The following ESCO1 variants were observed in gnomAD, a reference collection of about 807,000 sequenced individuals.
ESCO1 encodes establishment of sister chromatid cohesion N-acetyltransferase 1.
A neutral mutation model predicts 83.5 loss-of-function variants in ESCO1; 33 were observed. The observed-to-expected ratio is 0.40, with a 90% CI of 0.30 to 0.53. The LOEUF (loss-of-function observed/expected upper bound fraction) is 0.53, where lower values mean the gene tolerates loss of function less well. Ranked by LOEUF, ESCO1 falls within the 20% of genes least tolerant of loss-of-function variation. The pLI, the probability that ESCO1 is intolerant of heterozygous loss-of-function variation, is 0.63. For missense variants in ESCO1, 855 were observed against 968.0 expected (o/e 0.88, Z 1.55); for synonymous variants, 332 against 324.3 (o/e 1.02, Z -0.25).
At chr18:21,563,932 AAAG>A (rs1286900716) in intron 7 of ESCO1, among the ~76,000 whole-genome samples, 4 of 151,126 alleles carry the variant, frequency 2.6e-5, no homozygotes, top group Non-Finnish European at 5.9e-5. Context: ...AAAAAAAAAA[AAAG>A]AGTCTGGCTT....
At chr18:21,543,004 T>C (rs903897674) in intron 8 of ESCO1, among the ~76,000 whole-genome samples, 2 of 152,206 alleles carry the variant, frequency 1.3e-5, no homozygotes, top group African/African-American at 4.8e-5. Flanking sequence ...CTCCAACATA[T>C]TTCAGGACTA....
intron 8 of ESCO1, among the ~76,000 whole-genome samples, chr18:21,540,286 A>C (rs2037889673): frequency 6.6e-6 from 1 of 152,162 alleles, no homozygotes; most frequent in Non-Finnish European, 1.5e-5. Context: ...TCCCGTTTTA[A>C]ATTAATTTTG....
intron 2 of ESCO1, among the ~76,000 whole-genome samples, chr18:21,579,788 GCGCGCGCACACACACA>G (rs2038470502): frequency 5.0e-5 from 2 of 39,822 alleles, no homozygotes; most frequent in Non-Finnish European, 8.2e-5. Context: ...ACACACACGC[GCGCGCGCACACACACA>G]CACACACACA....
intron 9 of ESCO1, among the ~76,000 whole-genome samples, chr18:21,539,339 A>G (rs1391822762): frequency 2.0e-5 from 3 of 152,218 alleles, no homozygotes; most frequent in East Asian, 1.9e-4. Context: ...GAAGATAAGC[A>G]TATCTACTTT....
At chr18:21,585,495 G>A (rs2038562695) in intron 1 of ESCO1, among the ~76,000 whole-genome samples, 1 of 152,074 alleles carries the variant, frequency 6.6e-6, no homozygotes, top group Non-Finnish European at 1.5e-5. Context: ...TAAATGTATG[G>A]TTTTATTTCT....
intron 8 of ESCO1, among the ~76,000 whole-genome samples, chr18:21,556,615 G>A (rs1300060483): frequency 6.6e-6 from 1 of 152,048 alleles, no homozygotes; most frequent in Non-Finnish European, 1.5e-5. Flanking sequence ...TAGTACGACC[G>A]AAGAACAGTA....
At chr18:21,545,821 C>T (rs1265390552) in intron 8 of ESCO1, among the ~76,000 whole-genome samples, 3 of 150,900 alleles carry the variant, frequency 2.0e-5, no homozygotes, top group East Asian at 3.9e-4. Flanking sequence ...CCCAGCTACT[C>T]GGGGGGGCTG....
intron 1 of ESCO1, among the ~76,000 whole-genome samples, chr18:21,595,177 T>C (rs373417762): frequency 1.1e-4 from 17 of 151,954 alleles, no homozygotes; most frequent in African/African-American, 3.9e-4. Flanking sequence ...TAAACATATA[T>C]TATGATAGAT....
At chr18:21,586,157 T>C (rs564089911) in intron 1 of ESCO1, among the ~76,000 whole-genome samples, 38 of 152,328 alleles carry the variant, frequency 2.5e-4, no homozygotes, top group Admixed American at 2.3e-3. Flanking sequence ...TTTATAACCA[T>C]TAATCACTTT....
chr18:21,560,590 C>A (rs1306639204), intron 8 of ESCO1, among the ~76,000 whole-genome samples: 1 of 151,956 alleles, frequency 6.6e-6, no homozygotes, highest in Non-Finnish European at 1.5e-5. Context: ...AGTTAAATAG[C>A]ATTACTTCTG....
intron 9 of ESCO1, 108 bp from the exon 10 acceptor site, chr18:21,536,293 TA>T: frequency 1.6e-6 from 2 of 1,259,816 alleles, no homozygotes; most frequent in Non-Finnish European, 1.1e-6. Flanking sequence ...GGGCATCCTC[TA>T]AAGAGTTCTT....
At chr18:21,579,649 G>A (rs1462123521) in intron 2 of ESCO1, among the ~76,000 whole-genome samples, 2 of 145,752 alleles carry the variant, frequency 1.4e-5, no homozygotes, top group African/African-American at 5.1e-5. Flanking sequence ...GCAGGCACCT[G>A]TAATCCCAGC....
chr18:21,549,148 T>C (rs572501451), intron 8 of ESCO1, among the ~76,000 whole-genome samples: 2 of 152,114 alleles, frequency 1.3e-5, no homozygotes, highest in African/African-American at 4.8e-5. Context: ...TATAAAACCC[T>C]GCTCTAATTT....
intron 1 of ESCO1, among the ~76,000 whole-genome samples, chr18:21,593,996 T>A (rs1430206411): frequency 6.6e-6 from 1 of 152,122 alleles, no homozygotes; most frequent in Non-Finnish European, 1.5e-5. Context: ...GAGTCTTTGT[T>A]ATGGGTGGGC....
chr18:21,560,514 T>C (rs1401471382), intron 8 of ESCO1, among the ~76,000 whole-genome samples: 1 of 151,986 alleles, frequency 6.6e-6, no homozygotes, highest in Admixed American at 6.6e-5. Flanking sequence ...GAAATGTAAA[T>C]ATTAAATAGA....
In ESCO1 at chr18:21,539,860, A is replaced by T; in HGVS notation, c.2043+60T>A. 1.3e-6 allele frequency: 2 copies of T among 1,494,666 alleles called. 1 individual carries two copies. Among genetic ancestry groups the T allele is most frequent in the Non-Finnish European group, 1.8e-6 (2 of 1,082,196 alleles). 92.6% of individuals were successfully genotyped at this position (1,494,666 alleles called of 1,614,324 possible). ...AAGACCCTGTCTCAGGGTAAAAAAA[A>T]AAAAAATTAACTGCAAAATGATATT... On this transcript the variant is annotated intron_variant, in intron 9 of 11. Coordinates refer to ENST00000269214, the MANE Select transcript of ESCO1 (RefSeq NM_052911.3).
intron 1 of ESCO1, among the ~76,000 whole-genome samples, chr18:21,592,549 G>A (rs1228190118): frequency 5.4e-5 from 8 of 149,366 alleles, no homozygotes; most frequent in Admixed American, 1.3e-4. Flanking sequence ...CTGGCCGGGC[G>A]GGGGGCTGAC....
chr18:21,585,490 G>A (rs1175456002), intron 1 of ESCO1, among the ~76,000 whole-genome samples: 1 of 152,070 alleles, frequency 6.6e-6, no homozygotes, highest in Non-Finnish European at 1.5e-5. Context: ...TGCCGTAAAT[G>A]TATGGTTTTA....
intron 8 of ESCO1, among the ~76,000 whole-genome samples, chr18:21,543,903 G>C (rs540030355): frequency 6.6e-6 from 1 of 152,304 alleles, no homozygotes; most frequent in South Asian, 2.1e-4. Flanking sequence ...AACTCTGATA[G>C]AAAACTTGAT....
Sources: gnomAD v4.1 joint callset for allele counts (sites outside exome capture counted in the v4.1 genomes callset) on GRCh38, gnomAD v4.1.1 for gene constraint, MANE v1.5 for transcripts, NCBI Gene and HGNC (gene_info 2026-07-23, HGNC 2026-07-21) for gene names.